KIRREL1: variants seen among roughly 807,000 people sequenced by gnomAD.
KIRREL1 encodes kirre like nephrin family adhesion molecule 1, also known as kin of IRRE-like protein 1.
A neutral mutation model predicts 83.3 loss-of-function variants in KIRREL1; 25 were observed. The ratio of observed to expected loss-of-function variants is 0.30; its 90% CI spans 0.22 to 0.42. The LOEUF (loss-of-function observed/expected upper bound fraction) is 0.42. Ranked by LOEUF, KIRREL1 falls within the 10% of genes least tolerant of loss-of-function variation. The pLI, the probability that KIRREL1 is intolerant of heterozygous loss-of-function variation, is 1.00. For missense variants in KIRREL1, 812 were observed against 1,032.3 expected, an observed-to-expected ratio of 0.79 and a Z score of 2.92; for synonymous variants, 388 against 410.4, an observed-to-expected ratio of 0.95 and a Z score of 0.66.
chr1:158,041,372 A>G (rs1660623302), intron 1 of KIRREL1, among the ~76,000 whole-genome samples: 1 of 152,222 alleles, frequency 6.6e-6, no homozygotes, highest in Non-Finnish European at 1.5e-5. Flanking sequence ...GTTTGAACCA[A>G]GGGAGAGACA....
At chr1:158,016,395 G>T (rs1314434604) in intron 1 of KIRREL1, among the ~76,000 whole-genome samples, 1 of 152,128 alleles carries the variant, frequency 6.6e-6, no homozygotes, top group Non-Finnish European at 1.5e-5. Context: ...TAGAGATGTT[G>T]CAAATATGGA....
rs1487639321 is a variant in KIRREL1, at chr1:158,094,588, T to C, written c.1798-56T>C. 6.9e-7 allele frequency: 1 copy of C among 1,453,188 alleles called. No homozygotes were observed. Among genetic ancestry groups the C allele is most frequent in the African/African-American group, 1.4e-5 (1 of 71,870 alleles). 90.0% of individuals were successfully genotyped at this position (1,453,188 alleles called of 1,614,324 possible). On this transcript the variant is annotated intron_variant, in intron 14 of 14. Coordinates refer to ENST00000359209, the MANE Select transcript of KIRREL1 (RefSeq NM_018240.7). The surrounding 1 kb of genome is among the most constrained non-coding windows in gnomAD (Gnocchi z 4.6). Reference sequence around the variant, plus strand: ...GAGGCCCAGAAAGCCATGGTGAGACTTGATCCCCACCCAAGAGGGAACACT... The same window carrying C: ...GAGGCCCAGAAAGCCATGGTGAGACCTGATCCCCACCCAAGAGGGAACACT...
rs147930327 is a variant in KIRREL1, at chr1:158,003,549, A to T, written c.52+9821A>T. Among the ~76,000 whole-genome samples, 683 of 151,756 alleles carry T rather than the reference A, an allele frequency of 4.5e-3. 1 individual carries two copies. The highest frequency in any genetic ancestry group is 8.3e-3 in the Non-Finnish European group (564 of 67,912). On this transcript the variant is annotated intron_variant, in intron 1 of 14. Transcript: ENST00000359209. Reference sequence around the variant, plus strand: ...GATGGGGGACTCCCAGAGGTCCCACACTCCCCTTGATGCCTGACCCTCCCA... The same window carrying T: ...GATGGGGGACTCCCAGAGGTCCCACTCTCCCCTTGATGCCTGACCCTCCCA...
chr1:158,049,764 T>A (rs986177054), intron 1 of KIRREL1, among the ~76,000 whole-genome samples: 2 of 151,900 alleles, frequency 1.3e-5, no homozygotes, highest in Admixed American at 1.3e-4. Context: ...CAGACCTATT[T>A]AGGAGGGATA....
Position 158,043,301 on chromosome 1 carries a change from C to T in KIRREL1, c.53-32812C>T, listed in dbSNP as rs182968807. Among the ~76,000 whole-genome samples, 6 of 152,136 alleles carry T rather than the reference C, an allele frequency of 3.9e-5. No individual in the cohort carries two copies. The East Asian group carries it at 1.2e-3, about 29-fold the overall frequency. ...TGACATAGGCATGGGATATTTTTGC[C>T]CCAGCCAGCACCTCATTCCCCCCTT... On this transcript the variant is annotated intron_variant, in intron 1 of 14. Transcript: ENST00000359209.
chr1:158,019,873 G>A (rs982668965), intron 1 of KIRREL1, among the ~76,000 whole-genome samples: 16 of 152,086 alleles, frequency 1.1e-4, no homozygotes, highest in African/African-American at 3.6e-4. Context: ...TAACACCCCC[G>A]ACCCCGGTAA....
intron 1 of KIRREL1, among the ~76,000 whole-genome samples, chr1:158,014,163 G>A (rs1659761109): frequency 6.6e-6 from 1 of 151,906 alleles, no homozygotes; most frequent in Non-Finnish European, 1.5e-5. Flanking sequence ...GGGCAACGAG[G>A]AAGGTAAAGG....
At chr1:158,051,580 A>G (rs1266718359) in intron 1 of KIRREL1, among the ~76,000 whole-genome samples, 2 of 152,196 alleles carry the variant, frequency 1.3e-5, no homozygotes, top group Non-Finnish European at 2.9e-5. Context: ...TTTTGTAGAG[A>G]CATAGTGAAT....
At chr1:158,078,549 G>A (rs187894142) in intron 3 of KIRREL1, among the ~76,000 whole-genome samples, 30 of 152,156 alleles carry the variant, frequency 2.0e-4, no homozygotes, top group South Asian at 2.1e-4. Context: ...CAGCTGCCTC[G>A]GAGACCCCAA....
intron 1 of KIRREL1, among the ~76,000 whole-genome samples, chr1:158,025,018 A>G (rs952912709): frequency 3.3e-5 from 5 of 152,242 alleles, no homozygotes; most frequent in Admixed American, 1.3e-4. Flanking sequence ...ATGGACACTC[A>G]AAGCCTGTTC....
intron 1 of KIRREL1, among the ~76,000 whole-genome samples, chr1:158,066,228 A>G (rs1267812062): frequency 1.3e-5 from 2 of 152,054 alleles, no homozygotes; most frequent in Non-Finnish European, 2.9e-5. Context: ...CTCCTTCAAA[A>G]TAAAGAATGT....
At chr1:158,055,874 C>T (rs1209368702) in intron 1 of KIRREL1, among the ~76,000 whole-genome samples, 1 of 152,172 alleles carries the variant, frequency 6.6e-6, no homozygotes, top group South Asian at 2.1e-4. Flanking sequence ...CCAGCACCCT[C>T]CAGGAAGGCC....
intron 1 of KIRREL1, among the ~76,000 whole-genome samples, chr1:158,018,482 G>A (rs1659901860): frequency 6.6e-6 from 1 of 152,232 alleles, no homozygotes; most frequent in Non-Finnish European, 1.5e-5. Flanking sequence ...CAGAGCGTGA[G>A]ATGGTGCCAA....
chr1:158,046,863 A>G (rs1028093073), intron 1 of KIRREL1, among the ~76,000 whole-genome samples: 2 of 152,174 alleles, frequency 1.3e-5, no homozygotes, highest in African/African-American at 4.8e-5. Context: ...GTGTACTACT[A>G]TGCTTCAGTG....
chr1:158,090,025 A>G (rs1662147950), intron 10 of KIRREL1, among the ~76,000 whole-genome samples: 1 of 151,850 alleles, frequency 6.6e-6, no homozygotes, highest in Non-Finnish European at 1.5e-5. Context: ...CAGATCACTT[A>G]ATGTTTTGAA....
chr1:158,076,349 C>G (rs780523041), intron 2 of KIRREL1, 87 bp downstream of exon 2: 7 of 1,244,184 alleles, frequency 5.6e-6, no homozygotes, highest in Non-Finnish European at 8.1e-6. Flanking sequence ...CTCACCATCC[C>G]TTAGTTCCCT....
chr1:158,013,078 T>G (rs1659730990), intron 1 of KIRREL1, among the ~76,000 whole-genome samples: 1 of 152,204 alleles, frequency 6.6e-6, no homozygotes, highest in South Asian at 2.1e-4. Context: ...GAGGAAAAGC[T>G]AGAACTGGAA....
intron 1 of KIRREL1, among the ~76,000 whole-genome samples, chr1:158,067,343 C>G (rs972765018): frequency 1.3e-5 from 2 of 152,180 alleles, no homozygotes; most frequent in African/African-American, 4.8e-5. Context: ...GGTCCTCAGC[C>G]TCTGTCTTAG....
At chr1:158,065,973 A>G (rs1054043122) in intron 1 of KIRREL1, among the ~76,000 whole-genome samples, 2 of 149,178 alleles carry the variant, frequency 1.3e-5, no homozygotes, top group Non-Finnish European at 3.0e-5. Context: ...TTTTTATCAA[A>G]TTTCCCAACC....
Sources: allele counts gnomAD v4.1 joint callset (sites outside exome capture counted in the v4.1 genomes callset), GRCh38; gene constraint gnomAD v4.1.1; non-coding constraint Gnocchi (gnomAD v3.1); transcripts MANE v1.5; gene names NCBI Gene and HGNC (gene_info 2026-07-23, HGNC 2026-07-21).